Variants in AKR1A1 observed in about 807,000 individuals in gnomAD.
AKR1A1 encodes HEL-S-165mP.
Under a neutral mutation model 39.2 loss-of-function variants are expected in AKR1A1, and 26 were observed. That is an observed-to-expected ratio of 0.66 (90% CI 0.49 to 0.92). The LOEUF is 0.92. Among genes scored for constraint, AKR1A1 ranks in the 40% least tolerant of loss-of-function variants. The probability of loss-of-function intolerance (pLI) is 0.00; values close to 1 mark genes in which losing one functional copy is unlikely to be tolerated. For missense variants in AKR1A1, 378 were observed against 406.5 expected (o/e 0.93, Z 0.60); for synonymous variants, 141 against 155.5 (o/e 0.91, Z 0.69).
At chr1:45,563,537 C>T (rs1644304457) in intron 2 of AKR1A1, among the ~76,000 whole-genome samples, 1 of 152,182 alleles carries the variant, frequency 6.6e-6, no homozygotes, top group East Asian at 1.9e-4. Flanking sequence ...TGCCTGTAAT[C>T]CCAGCACTTT....
At chr1:45,567,149 C>T (rs953858481) in intron 4 of AKR1A1, 129 bp downstream of exon 4, 1 of 1,297,870 alleles carries the variant, frequency 7.7e-7, no homozygotes, top group Non-Finnish European at 1.1e-6. Flanking sequence ...AGGAGCTTGA[C>T]ATGGGATCTT....
intron 1 of AKR1A1, among the ~76,000 whole-genome samples, chr1:45,558,649 C>T (rs1221782306): frequency 1.3e-5 from 2 of 152,100 alleles, no homozygotes; most frequent in East Asian, 3.9e-4. Flanking sequence ...CTGCCCTCCT[C>T]GGCCTCCCAA....
At chr1:45,568,887 A>G in intron 6 of AKR1A1, 40 bp from the exon 7 acceptor site, 2 of 1,602,276 alleles carry the variant, frequency 1.2e-6, no homozygotes, top group Non-Finnish European at 1.7e-6. Context: ...GCTTATGAAT[A>G]CTGACCCCTT....
In AKR1A1 at chr1:45,567,579, G is replaced by A. The variant is rs113016864; in HGVS notation, c.357-403G>A. On this transcript the variant is annotated intron_variant, in intron 4 of 8. Coordinates refer to ENST00000351829, the MANE Select transcript of AKR1A1 (RefSeq NM_153326.3). ...GCGGTGGCTCACGCCTGTAATCCCAGCACTTTGGGAGGCTAAGGCGGGCGG... is the reference window on the plus strand; with the variant it reads ...GCGGTGGCTCACGCCTGTAATCCCAACACTTTGGGAGGCTAAGGCGGGCGG... 4.8e-3 allele frequency: 775 copies of A among 161,032 alleles called. 8 individuals carry two copies. Among genetic ancestry groups the A allele is most frequent in the African/African-American group, 0.017 (726 of 41,658 alleles). The allele number at this position is 161,032 out of a possible 1,614,324, so 10.0% of individuals were successfully genotyped here. A position where few individuals can be genotyped will look rare whatever the true frequency, so the allele number is the denominator to read the frequency against.
At chr1:45,566,121 G>C (rs796851490) in intron 2 of AKR1A1, among the ~76,000 whole-genome samples, 3 of 150,120 alleles carry the variant, frequency 2.0e-5, no homozygotes, top group Non-Finnish European at 4.4e-5. Flanking sequence ...TTCTTTCTTT[G>C]TTTTGAGATG....
At position 45,550,855 on chromosome 1, in the gene AKR1A1, T is replaced by C. The variant is rs1404537349; in HGVS notation, c.-307T>C. The C allele has an allele frequency of 6.6e-6, 1 of 152,336 alleles. No individual in the cohort carries two copies. Among genetic ancestry groups the C allele is most frequent in the Non-Finnish European group, 1.5e-5 (1 of 68,196 alleles). 9.4% of individuals were successfully genotyped at this position (152,336 alleles called of 1,614,324 possible). A position where few individuals can be genotyped will look rare whatever the true frequency, so the allele number is the denominator to read the frequency against. On this transcript the variant is annotated 5_prime_UTR_variant, in exon 1 of 9. Transcript: ENST00000351829. ...CCACCTGCCTCATTGTGCCCAGGAGTTCTCCAAACCCGCGCTGCGGAGTGA... is the reference window on the plus strand; with the variant it reads ...CCACCTGCCTCATTGTGCCCAGGAGCTCTCCAAACCCGCGCTGCGGAGTGA...
At chr1:45,569,276 G>A in intron 8 of AKR1A1, 47 bp downstream of exon 8, 1 of 1,528,786 alleles carries the variant, frequency 6.5e-7, no homozygotes, top group Non-Finnish European at 9.1e-7. Flanking sequence ...GAGATTTGGG[G>A]TGGGATTCTG....
At chr1:45,568,456 T>C (rs1644373712) in intron 5 of AKR1A1, 29 bp from the exon 6 acceptor site, 2 of 1,610,428 alleles carry the variant, frequency 1.2e-6, no homozygotes, top group Non-Finnish European at 1.7e-6. Context: ...TGTCACCACT[T>C]CATGGTGATG....
In AKR1A1 at chr1:45,568,044, A is replaced by G. The variant is rs371234480; in HGVS notation, c.419A>G (p.Tyr140Cys). Residue 140 changes from tyrosine to cysteine, a missense_variant, in exon 5 of 9, where the codon TAC (tyrosine) becomes TGC (cysteine). Transcript: ENST00000351829. ...DGTICYDSTH[Y>C]KETWKALEAL... is the part of the protein sequence containing the mutation. ...ACTATATGCTACGACTCCACCCACT[A>G]CAAGGAGACTTGGAAGGCTCTGGAG... 571 of 1,613,846 alleles carry G rather than the reference A, an allele frequency of 3.5e-4. No individual in the cohort carries two copies. The highest frequency in any genetic ancestry group is 4.4e-4 in the Non-Finnish European group (523 of 1,179,998).
At chr1:45,569,822 G>A in intron 8 of AKR1A1, 69 bp from the exon 9 acceptor site, 2 of 1,406,504 alleles carry the variant, frequency 1.4e-6, no homozygotes, top group Non-Finnish European at 2.0e-6. Flanking sequence ...GAAGATTTGG[G>A]GAAGATGCCT....
chr1:45,553,408 GAGA>G (rs1644159587), intron 1 of AKR1A1, among the ~76,000 whole-genome samples: 1 of 135,382 alleles, frequency 7.4e-6, no homozygotes, highest in South Asian at 2.5e-4. Context: ...GCGACAGAGC[GAGA>G]CTCTGTCTCA....
In AKR1A1 at chr1:45,570,046, TC is replaced by T; in HGVS notation, c.*92del. On this transcript the variant is annotated 3_prime_UTR_variant, in exon 9 of 9. Coordinates refer to ENST00000351829, the MANE Select transcript of AKR1A1 (RefSeq NM_153326.3). ...GGGAGTTAATAAAGCCATTGGAGCA[TC>T]CATATTGCTTGCTTGTCTTATTTGC... 7.7e-7 allele frequency: 1 copy of T among 1,299,018 alleles called. No homozygotes were observed. Among genetic ancestry groups the T allele is most frequent in the Non-Finnish European group, 1.1e-6 (1 of 896,334 alleles). The allele number at this position is 1,299,018 out of a possible 1,614,324, so 80.5% of individuals were successfully genotyped here.
chr1:45,569,235 G>A lies in AKR1A1; in HGVS notation c.912+6G>A. 6.2e-7 allele frequency: 1 copy of A among 1,611,612 alleles called. No homozygotes were observed. Among genetic ancestry groups the A allele is most frequent in the Non-Finnish European group, 8.5e-7 (1 of 1,177,736 alleles). On this transcript the variant is annotated splice_donor_region_variant and intron_variant, in intron 8 of 8. Transcript: ENST00000351829. Reference sequence around the variant, plus strand: ...ATATTGTGCCTATGCTTACGGTGAGGATGTATCAGCCTCCTAGACTTGGGG... The same window carrying A: ...ATATTGTGCCTATGCTTACGGTGAGAATGTATCAGCCTCCTAGACTTGGGG...
rs754984399 is a variant in AKR1A1, at chr1:45,568,652, G to T, written c.720G>T (p.Lys240Asn). 1.9e-6 allele frequency: 3 copies of T among 1,613,790 alleles called. No homozygotes were observed. The highest frequency in any genetic ancestry group is 2.5e-6 in the Non-Finnish European group (3 of 1,179,902). ...CAGTAGTCCTGGCATTGGCTGAAAA[G>T]TATGGCCGATCTCCAGCTCAGATCT... is the stretch of plus-strand genomic sequence containing the variant. ...EEPVVLALAE[K>N]YGRSPAQILL... The change falls in exon 6 of 9, where the codon AAG (lysine) becomes AAT (asparagine). Residue 240 changes from lysine to asparagine, a missense_variant. Transcript: ENST00000351829.
At position 45,569,995 on chromosome 1, in the gene AKR1A1, AAT is replaced by A. The variant is rs767674193; in HGVS notation, c.*40_*41del. ...TGGCCTCCCTTCCAGCTCTGCAGCT[AAT>A]GAGGTCCTGCCACAACGGAAAGAGG... On this transcript the variant is annotated 3_prime_UTR_variant, in exon 9 of 9. Transcript: ENST00000351829. 1 of 1,576,250 alleles carries A rather than the reference AAT, an allele frequency of 6.3e-7. No homozygotes were observed. The highest frequency in any genetic ancestry group is 8.7e-7 in the Non-Finnish European group (1 of 1,145,620).
intron 4 of AKR1A1, chr1:45,567,553 C>T (rs538613658): frequency 1.3e-4 from 21 of 158,426 alleles, no homozygotes; most frequent in East Asian, 1.3e-3. Flanking sequence ...TTTGGCCAGG[C>T]GCGGTGGCTC....
At chr1:45,559,205 G>A (rs1644246588) in intron 1 of AKR1A1, among the ~76,000 whole-genome samples, 1 of 152,148 alleles carries the variant, frequency 6.6e-6, no homozygotes, top group South Asian at 2.1e-4. Flanking sequence ...ATAAACTGAA[G>A]GAAGGCAGTT....
intron 4 of AKR1A1, 118 bp downstream of exon 4, chr1:45,567,138 G>C (rs1644354676): frequency 2.2e-6 from 3 of 1,360,746 alleles, no homozygotes; most frequent in Admixed American, 4.3e-5. Context: ...ATGCCAAGCT[G>C]AGGAGCTTGA....
Position 45,569,339 on chromosome 1 carries a change from G to A in AKR1A1, c.912+110G>A. 1.5e-5 allele frequency: 13 copies of A among 885,984 alleles called. No homozygotes were observed. In the South Asian group the frequency reaches 1.9e-4, roughly 13 times the overall value. 54.9% of individuals were successfully genotyped at this position (885,984 alleles called of 1,614,324 possible). A position where few individuals can be genotyped will look rare whatever the true frequency, so the allele number is the denominator to read the frequency against. On this transcript the variant is annotated intron_variant, in intron 8 of 8. Transcript: ENST00000351829. ...TTGTGAGAAGGACACAATGTTGTGGGTGGGATTGCTATGCTGGACATAGTG... is the reference window on the plus strand; with the variant it reads ...TTGTGAGAAGGACACAATGTTGTGGATGGGATTGCTATGCTGGACATAGTG...
Sources: gnomAD v4.1 joint callset for allele counts (sites outside exome capture counted in the v4.1 genomes callset) on GRCh38, gnomAD v4.1.1 for gene constraint, MANE v1.5 for transcripts, NCBI Gene and HGNC (gene_info 2026-07-23, HGNC 2026-07-21) for gene names.